The following CD36 variants were observed in gnomAD, a reference collection of about 807,000 sequenced individuals.
CD36 encodes CD36 molecule (CD36 blood group), also known as platelet glycoprotein 4.
Under a neutral mutation model 55.2 loss-of-function variants are expected in CD36, and 119 were observed. The observed-to-expected ratio is 2.15, with a 90% CI of 1.86 to 2.51. The LOEUF (loss-of-function observed/expected upper bound fraction) is 2.51, where lower values mean the gene tolerates loss of function less well. Ranked by LOEUF, CD36 falls within the 30% of genes most tolerant of loss-of-function variation. The pLI is 0.00. For synonymous variants in CD36, 186 were observed against 193.6 expected (o/e 0.96, Z 0.33); for missense variants, 819 against 555.5 (o/e 1.47, Z -4.77).
chr7:80,667,199 AG>A, intron 8 of CD36, among the ~76,000 whole-genome samples: 1 of 152,200 alleles, frequency 6.6e-6, no homozygotes, highest in Admixed American at 6.5e-5. Context: ...AGACCAAGGC[AG>A]GTAGACTACT....
At chr7:80,673,457 T>C (rs779476574) in intron 13 of CD36, 48 bp downstream of exon 13, 26 of 1,039,662 alleles carry the variant, frequency 2.5e-5, no homozygotes, top group Non-Finnish European at 3.8e-5. Flanking sequence ...TCTTTGTATA[T>C]AAACAAGCTC....
intron 3 of CD36, among the ~76,000 whole-genome samples, chr7:80,651,496 T>C (rs1231635660): frequency 6.6e-6 from 1 of 152,162 alleles, no homozygotes; most frequent in Non-Finnish European, 1.5e-5. Flanking sequence ...GAACTAATAT[T>C]AAATATCATC....
chr7:80,643,330 A>T (rs1179654470), intron 1 of CD36, among the ~76,000 whole-genome samples: 2 of 152,194 alleles, frequency 1.3e-5, no homozygotes, highest in Non-Finnish European at 2.9e-5. Context: ...ATCATTTTGT[A>T]TCACATTTGT....
At chr7:80,616,184 A>T (rs572988171) in intron 1 of CD36, among the ~76,000 whole-genome samples, 2 of 152,258 alleles carry the variant, frequency 1.3e-5, no homozygotes, top group African/African-American at 4.8e-5. Context: ...AATACATCTA[A>T]TCTACTGGAT....
chr7:80,664,232 A>G (rs1413052978), intron 6 of CD36, among the ~76,000 whole-genome samples, 174 bp from the exon 7 acceptor site: 1 of 152,018 alleles, frequency 6.6e-6, no homozygotes, highest in Non-Finnish European at 1.5e-5. Flanking sequence ...TCTAGCACTT[A>G]TTTCTAGGCA....
chr7:80,673,273 AATTTATGAAC>A (rs1202076301), intron 12 of CD36, 72 bp from the exon 13 acceptor site: 22 of 679,630 alleles, frequency 3.2e-5, no homozygotes, highest in East Asian at 5.7e-5. Flanking sequence ...AACAGCAACT[AATTTATGAAC>A]ATTTATTTTA....
chr7:80,608,839 C>T (rs754585930), intron 1 of CD36, among the ~76,000 whole-genome samples: 21 of 152,204 alleles, frequency 1.4e-4, no homozygotes, highest in Non-Finnish European at 2.1e-4. Flanking sequence ...AGTCACCAAG[C>T]CGTAGCTATT....
chr7:80,611,973 A>G (rs1232186957), intron 1 of CD36, among the ~76,000 whole-genome samples: 3 of 152,204 alleles, frequency 2.0e-5, no homozygotes, highest in Non-Finnish European at 4.4e-5. Flanking sequence ...TCTAAAGTAA[A>G]TGCTCTATGA....
chr7:80,649,564 G>T (rs978503685), intron 3 of CD36, among the ~76,000 whole-genome samples: 1 of 151,856 alleles, frequency 6.6e-6, no homozygotes, highest in African/African-American at 2.4e-5. Flanking sequence ...AGGAGTAAAA[G>T]CATCAAACTC....
At position 80,671,077 on chromosome 7, in the gene CD36, C is replaced by G; in HGVS notation, c.919C>G (p.Pro307Ala). Residue 307 changes from proline to alanine, a missense_variant, in exon 10 of 15, where the codon CCA becomes GCA. Coordinates refer to ENST00000447544, the MANE Select transcript of CD36 (RefSeq NM_001001548.3). ...SKAFASPVEN[P>A]DNYCFCTEKI... The stretch of plus-strand genomic sequence containing the variant: ...GGCCTTTGCCTCTCCAGTTGAAAAC[C>G]CAGACAACTATTGTTTCTGCACAGA... The G allele has an allele frequency of 6.2e-7, 1 of 1,612,504 alleles. No homozygotes were observed. The highest frequency in any genetic ancestry group is 8.5e-7 in the Non-Finnish European group (1 of 1,178,754).
chr7:80,620,119 G>A (rs912216311), intron 1 of CD36, among the ~76,000 whole-genome samples: 1 of 151,908 alleles, frequency 6.6e-6, no homozygotes, highest in African/African-American at 2.4e-5. Context: ...TTTTTCCTCT[G>A]CCTCATGCCA....
intron 7 of CD36, among the ~76,000 whole-genome samples, chr7:80,665,514 A>G (rs1371316110): frequency 1.3e-5 from 2 of 152,126 alleles, no homozygotes; most frequent in African/African-American, 4.8e-5. Flanking sequence ...TTATAGAAAA[A>G]GTCAGTAGAG....
chr7:80,661,031 G>A lies in CD36; in HGVS notation c.282-32G>A, dbSNP rs764432101. On this transcript the variant is annotated intron_variant, in intron 4 of 14. Coordinates refer to ENST00000447544, the MANE Select transcript of CD36 (RefSeq NM_001001548.3). ...GATCTAATGTTCACATATGACAAAT[G>A]TTTTGAATTTTGTTTACTGCTATTT... 1.6e-5 allele frequency: 25 copies of A among 1,533,262 alleles called. No homozygotes were observed. In the East Asian group the frequency reaches 4.3e-4, roughly 26 times the overall value. The allele number at this position is 1,533,262 out of a possible 1,614,324, so 95.0% of individuals were successfully genotyped here. A position where few individuals can be genotyped will look rare whatever the true frequency, so the allele number is the denominator to read the frequency against.
At chr7:80,636,757 G>A (rs1794440178), upstream of CD36, 5 of 152,042 alleles carry the variant, frequency 3.3e-5, no homozygotes, top group Admixed American at 3.3e-4. Flanking sequence ...ACAGCATTTT[G>A]CTATGTTATT....
At chr7:80,651,435 T>C (rs988675785) in intron 3 of CD36, among the ~76,000 whole-genome samples, 4 of 152,196 alleles carry the variant, frequency 2.6e-5, no homozygotes, top group African/African-American at 7.2e-5. Flanking sequence ...TCTATAGTTC[T>C]AACTATAGAA....
At chr7:80,654,433 A>G (rs948996860) in intron 3 of CD36, among the ~76,000 whole-genome samples, 5 of 151,806 alleles carry the variant, frequency 3.3e-5, no homozygotes, top group Admixed American at 1.3e-4. Context: ...AGATTCTAAT[A>G]GTGTGAGGAG....
At chr7:80,672,893 A>G in intron 12 of CD36, 50 bp downstream of exon 12, 1 of 1,171,842 alleles carries the variant, frequency 8.5e-7, no homozygotes, top group South Asian at 1.3e-5. Context: ...GTATCGTAGT[A>G]TCTTCTTGTA....
rs771504557 is a variant in CD36, at chr7:80,672,742, G to GGTAATTATTTAGTTGTTCTCTT, written c.1126-27_1126-6dup. The GGTAATTATTTAGTTGTTCTCTT allele has an allele frequency of 4.1e-6, 6 of 1,471,750 alleles. No individual in the cohort carries two copies. In the South Asian group the frequency reaches 6.9e-5, roughly 17 times the overall value. The allele number at this position is 1,471,750 out of a possible 1,614,324, so 91.2% of individuals were successfully genotyped here. ...GTATAAAATAATGTTTTTAAAAGTT[G>GGTAATTATTTAGTTGTTCTCTT]GTAATTATTTAGTTGTTCTCTTTTT... is the stretch of plus-strand genomic sequence containing the variant. On this transcript the variant is annotated intron_variant, in intron 11 of 14. Coordinates refer to ENST00000447544, the MANE Select transcript of CD36 (RefSeq NM_001001548.3).
Position 80,656,615 on chromosome 7 carries a change from T to G in CD36, c.196T>G (p.Trp66Gly). 1 of 1,613,874 alleles carries G rather than the reference T, an allele frequency of 6.2e-7. No homozygotes were observed. The highest frequency in any genetic ancestry group is 8.5e-7 in the Non-Finnish European group (1 of 1,179,852). Residue 66 changes from tryptophan (W) to glycine (G), a missense_variant, in exon 4 of 15, where the codon TGG becomes GGG. Trp to Gly is a radical substitution (Grantham distance 184). Coordinates refer to ENST00000447544, the MANE Select transcript of CD36 (RefSeq NM_001001548.3). ...KTGTEVYRQF[W>G]IFDVQNPQEV... ...AGGCACAGAAGTTTACAGACAGTTT[T>G]GGATCTTTGATGTGCAAAATCCACA...
Sources: gnomAD v4.1 joint callset for allele counts (sites outside exome capture counted in the v4.1 genomes callset) on GRCh38, gnomAD v4.1.1 for gene constraint, MANE v1.5 for transcripts, NCBI Gene and HGNC (gene_info 2026-07-23, HGNC 2026-07-21) for gene names.